The following CNTN4 variants were observed in gnomAD, a reference collection of about 807,000 sequenced individuals.
CNTN4 encodes the protein contactin-4.
In CNTN4, 77 loss-of-function variants were observed where a neutral mutation model predicts 122.5. The ratio of observed to expected loss-of-function variants is 0.63; its 90% confidence interval spans 0.52 to 0.76. The LOEUF is 0.76. Among genes scored for constraint, CNTN4 ranks in the 30% least tolerant of loss-of-function variants. CNTN4 has a pLI of 0.00. For synonymous variants in CNTN4, 512 were observed against 447.0 expected (o/e 1.15, Z -1.83); for missense variants, 1,256 against 1,259.1 (o/e 1.00, Z 0.04).
intron 4 of CNTN4, among the ~76,000 whole-genome samples, chr3:2,683,497 A>G (rs2085273528): frequency 6.6e-6 from 1 of 152,158 alleles, no homozygotes; most frequent in Non-Finnish European, 1.5e-5. Context: ...CACATGTTGA[A>G]GTTGAAATGA....
chr3:2,848,650 G>C (rs2093496196), intron 7 of CNTN4, among the ~76,000 whole-genome samples: 1 of 152,166 alleles, frequency 6.6e-6, no homozygotes, highest in Non-Finnish European at 1.5e-5. Flanking sequence ...ATAGTGTTAG[G>C]ATCTCTCTAT....
intron 3 of CNTN4, among the ~76,000 whole-genome samples, chr3:2,359,595 A>G (rs1196252739): frequency 7.9e-5 from 12 of 152,136 alleles, no homozygotes; most frequent in Non-Finnish European, 1.6e-4. Context: ...GCTGGAGTGC[A>G]GTGGCAGGAT....
chr3:2,654,073 A>G (rs987247620), intron 4 of CNTN4, among the ~76,000 whole-genome samples: 1 of 152,210 alleles, frequency 6.6e-6, no homozygotes, highest in African/African-American at 2.4e-5. Flanking sequence ...TACAGTTGCT[A>G]ATTTACCCAA....
chr3:2,919,117 T>C (rs1277647139), intron 12 of CNTN4, among the ~76,000 whole-genome samples: 1 of 150,982 alleles, frequency 6.6e-6, no homozygotes, highest in Non-Finnish European at 1.5e-5. Context: ...GCCAAGGCAG[T>C]AAGATGACTT....
At chr3:2,443,588 A>G (rs895108943) in intron 3 of CNTN4, among the ~76,000 whole-genome samples, 1 of 152,186 alleles carries the variant, frequency 6.6e-6, no homozygotes, top group Non-Finnish European at 1.5e-5. Context: ...CAATAGTCCA[A>G]TAAGAAAGAA....
chr3:2,935,634 T>C (rs2094561186), intron 13 of CNTN4, among the ~76,000 whole-genome samples: 1 of 152,118 alleles, frequency 6.6e-6, no homozygotes. Context: ...AGGTTCTACA[T>C]GTGTCACGGA....
At chr3:2,748,048 C>T (rs2089891839) in intron 6 of CNTN4, among the ~76,000 whole-genome samples, 1 of 152,190 alleles carries the variant, frequency 6.6e-6, no homozygotes, top group South Asian at 2.1e-4. Flanking sequence ...CTTCACAACA[C>T]ACTCAATTAT....
chr3:2,767,701 C>G (rs1056857259), intron 6 of CNTN4, among the ~76,000 whole-genome samples: 1 of 152,292 alleles, frequency 6.6e-6, no homozygotes, highest in African/African-American at 2.4e-5. Context: ...TTCTGATCCC[C>G]TTTCTGTCTC....
chr3:2,177,890 C>T (rs530208792), intron 2 of CNTN4, among the ~76,000 whole-genome samples: 2 of 152,196 alleles, frequency 1.3e-5, no homozygotes, highest in Admixed American at 6.5e-5. Flanking sequence ...GCCAAGGTGA[C>T]GCATAAAATT....
intron 3 of CNTN4, among the ~76,000 whole-genome samples, chr3:2,513,041 A>G (rs2076934965): frequency 6.6e-6 from 1 of 152,158 alleles, no homozygotes; most frequent in Non-Finnish European, 1.5e-5. Flanking sequence ...AACAGTACAG[A>G]ATGCTTAACA....
chr3:2,375,237 C>A (rs1370604404), intron 3 of CNTN4, among the ~76,000 whole-genome samples: 1 of 152,154 alleles, frequency 6.6e-6, no homozygotes, highest in South Asian at 2.1e-4. Context: ...TTTTGCCTTG[C>A]GGAGGGTATC....
At chr3:2,585,224 C>T (rs2080132944) in intron 4 of CNTN4, among the ~76,000 whole-genome samples, 1 of 151,994 alleles carries the variant, frequency 6.6e-6, no homozygotes, top group Admixed American at 6.5e-5. Flanking sequence ...AATAGAAACA[C>T]TTTTACACTG....
At chr3:2,890,498 G>A (rs1237289856) in intron 10 of CNTN4, among the ~76,000 whole-genome samples, 1 of 152,132 alleles carries the variant, frequency 6.6e-6, no homozygotes, top group Admixed American at 6.5e-5. Context: ...TGCTTCTTTG[G>A]GTTCCAGGTT....
At chr3:2,189,385 C>T (rs1361940570) in intron 2 of CNTN4, among the ~76,000 whole-genome samples, 2 of 152,142 alleles carry the variant, frequency 1.3e-5, no homozygotes, top group Non-Finnish European at 2.9e-5. Flanking sequence ...AGAGGCTAAC[C>T]AGCTGAAGAA....
At chr3:2,641,704 A>G (rs939889222) in intron 4 of CNTN4, among the ~76,000 whole-genome samples, 1 of 152,166 alleles carries the variant, frequency 6.6e-6, no homozygotes, top group Non-Finnish European at 1.5e-5. Context: ...AGCACAATGA[A>G]TTACAATGCA....
intron 2 of CNTN4, among the ~76,000 whole-genome samples, chr3:2,301,996 G>A (rs1218189073): frequency 6.6e-6 from 1 of 152,268 alleles, no homozygotes; most frequent in East Asian, 1.9e-4. Context: ...ACGTGTGTAT[G>A]TGCATGTGCA....
intron 2 of CNTN4, among the ~76,000 whole-genome samples, chr3:2,294,225 C>T (rs1047629649): frequency 1.3e-5 from 2 of 150,868 alleles, no homozygotes; most frequent in Non-Finnish European, 3.0e-5. Context: ...GAGAAACAGA[C>T]AAAACCTATT....
chr3:2,636,457 A>G (rs1299668569), intron 4 of CNTN4, among the ~76,000 whole-genome samples: 1 of 152,228 alleles, frequency 6.6e-6, no homozygotes, highest in Non-Finnish European at 1.5e-5. Flanking sequence ...TGGGGAAAAA[A>G]ACCCAGGAAT....
chr3:2,329,077 TTTTCACAAATG>T (rs1452532127), intron 2 of CNTN4, among the ~76,000 whole-genome samples: 1 of 152,094 alleles, frequency 6.6e-6, no homozygotes, highest in Non-Finnish European at 1.5e-5. Flanking sequence ...AAAATAAAAA[TTTTCACAAATG>T]GAAAATTAAC....
Sources: gnomAD v4.1 joint callset for allele counts (sites outside exome capture counted in the v4.1 genomes callset) on GRCh38, gnomAD v4.1.1 for gene constraint, MANE v1.5 for transcripts, NCBI Gene and HGNC (gene_info 2026-07-23, HGNC 2026-07-21) for gene names.